GRID2: variants seen among roughly 807,000 people sequenced by gnomAD.
GRID2 encodes the protein glutamate receptor ionotropic, delta-2.
GRID2 carries 33 observed loss-of-function variants against 114.8 expected under a neutral mutation model. The observed-to-expected ratio is 0.29, with a 90% CI of 0.22 to 0.38. The LOEUF is 0.38. GRID2 is among the 10% of genes least tolerant of loss of function. The pLI, the probability that GRID2 is intolerant of heterozygous loss-of-function variation, is 1.00. For synonymous variants in GRID2, 505 were observed against 449.9 expected (o/e 1.12, Z -1.55); for missense variants, 1,184 against 1,257.7 (o/e 0.94, Z 0.89).
At chr4:92,840,689 G>A (rs114085977) in intron 2 of GRID2, among the ~76,000 whole-genome samples, 95 of 152,050 alleles carry the variant, frequency 6.2e-4, no homozygotes, top group African/African-American at 2.2e-3. Flanking sequence ...GAGCATATAT[G>A]TCCTTCCTTC....
At chr4:93,736,200 A>G (rs1730913841) in intron 14 of GRID2, among the ~76,000 whole-genome samples, 1 of 152,044 alleles carries the variant, frequency 6.6e-6, no homozygotes, top group South Asian at 2.1e-4. Context: ...GATGATGATT[A>G]GCACACAAAG....
chr4:93,644,964 A>G (rs1049196454), intron 14 of GRID2, among the ~76,000 whole-genome samples: 3 of 152,180 alleles, frequency 2.0e-5, no homozygotes, highest in African/African-American at 7.2e-5. Context: ...TAATGTCTCC[A>G]AGAAGGCAGA....
At chr4:93,054,275 G>A (rs1727011070) in intron 2 of GRID2, among the ~76,000 whole-genome samples, 1 of 151,482 alleles carries the variant, frequency 6.6e-6, no homozygotes, top group Non-Finnish European at 1.5e-5. Context: ...ATTAAGATAT[G>A]TTAAAACAAT....
chr4:92,786,165 G>A (rs998318354), intron 2 of GRID2, among the ~76,000 whole-genome samples: 3 of 151,784 alleles, frequency 2.0e-5, no homozygotes, highest in South Asian at 2.1e-4. Context: ...AAAACTTCTT[G>A]TATTTTATCT....
At chr4:92,843,839 C>T (rs538752759) in intron 2 of GRID2, among the ~76,000 whole-genome samples, 2 of 152,206 alleles carry the variant, frequency 1.3e-5, no homozygotes, top group South Asian at 4.1e-4. Flanking sequence ...GAAATCATAT[C>T]AACAAACTTT....
chr4:93,569,067 G>T (rs1429119911), intron 13 of GRID2, among the ~76,000 whole-genome samples: 1 of 152,142 alleles, frequency 6.6e-6, no homozygotes, highest in Non-Finnish European at 1.5e-5. Flanking sequence ...TCTCTAGGGA[G>T]AACTTGAGTT....
intron 4 of GRID2, among the ~76,000 whole-genome samples, chr4:93,153,303 T>C (rs1192284079): frequency 6.6e-6 from 1 of 152,090 alleles, no homozygotes; most frequent in Non-Finnish European, 1.5e-5. Context: ...AAAAACACCC[T>C]GGCCAAAGTC....
intron 1 of GRID2, among the ~76,000 whole-genome samples, chr4:92,501,478 A>G (rs1032682228): frequency 6.6e-6 from 1 of 152,164 alleles, no homozygotes; most frequent in African/African-American, 2.4e-5. Context: ...GAGCATGTCA[A>G]CTAATGGGGG....
rs189030711 is a variant in GRID2 at position 92,519,935 on chromosome 4, T to C, written c.89-70196T>C. Among the ~76,000 whole-genome samples the C allele has an allele frequency of 2.6e-3, 393 of 152,004 alleles. 1 individual carries two copies. The highest frequency in any genetic ancestry group is 4.0e-3 in the Non-Finnish European group (273 of 67,910). On this transcript the variant is annotated intron_variant, in intron 1 of 15. Coordinates refer to ENST00000282020, the MANE Select transcript of GRID2 (RefSeq NM_001510.4). ...TATTGGGGGGCGGAATTTGCTTTTC[T>C]CAGTCTACCGATTCAAATGTTAATC...
chr4:93,658,573 T>C (rs1723217375), intron 14 of GRID2, among the ~76,000 whole-genome samples: 1 of 152,154 alleles, frequency 6.6e-6, no homozygotes, highest in Non-Finnish European at 1.5e-5. Flanking sequence ...CAGTATATAA[T>C]GGAGTTGGTA....
Position 93,097,887 on chromosome 4 carries a change from T to C in GRID2, c.529+12608T>C, listed in dbSNP as rs79417769. On this transcript the variant is annotated intron_variant, in intron 3 of 15. Transcript: ENST00000282020. ...TTAAATAAGTAGTCTGTTTTGCTTATAGTCGTTTATCAATAAGTAAATAAA... is the reference window on the plus strand; with the variant it reads ...TTAAATAAGTAGTCTGTTTTGCTTACAGTCGTTTATCAATAAGTAAATAAA... Among the ~76,000 whole-genome samples the C allele has an allele frequency of 4.5e-4, 69 of 152,098 alleles. No homozygotes were observed. The East Asian group carries it at 0.013, about 28-fold the overall frequency.
intron 10 of GRID2, among the ~76,000 whole-genome samples, chr4:93,440,184 C>A (rs72668721): frequency 0.015 from 2,251 of 152,158 alleles, 19 homozygotes; most frequent in South Asian, 0.055. Flanking sequence ...AAGAGTCTTA[C>A]ATATTTTCAT....
At chr4:92,944,843 G>A (rs1271987674) in intron 2 of GRID2, among the ~76,000 whole-genome samples, 3 of 152,046 alleles carry the variant, frequency 2.0e-5, no homozygotes, top group Non-Finnish European at 4.4e-5. Flanking sequence ...ACCCTTTGGA[G>A]TTTACTGTCC....
At chr4:93,177,759 T>G (rs1284447813) in intron 4 of GRID2, among the ~76,000 whole-genome samples, 2 of 152,162 alleles carry the variant, frequency 1.3e-5, no homozygotes, top group African/African-American at 4.8e-5. Flanking sequence ...TCACTACCCA[T>G]TTAAAGTTGT....
Position 92,868,078 on chromosome 4 carries a change from G to T in GRID2, c.245-216917G>T, listed in dbSNP as rs201466772. Among the ~76,000 whole-genome samples, 1,244 of 137,296 alleles carry T rather than the reference G, an allele frequency of 9.1e-3. 9 individuals carry two copies. The highest frequency in any genetic ancestry group is 0.019 in the East Asian group (88 of 4,608). The allele number at this position is 137,296 out of a possible 152,430, so 90.1% of individuals were successfully genotyped here. ...TTTCTTTCTTTCTTTCTGTCTGTCTGTCTGTCTGTCTTTCTTTCTTTCTCT... is the reference window on the plus strand; with the variant it reads ...TTTCTTTCTTTCTTTCTGTCTGTCTTTCTGTCTGTCTTTCTTTCTTTCTCT... On this transcript the variant is annotated intron_variant, in intron 2 of 15. Coordinates refer to ENST00000282020, the MANE Select transcript of GRID2 (RefSeq NM_001510.4).
chr4:93,491,941 G>C (rs1230529367), intron 12 of GRID2, among the ~76,000 whole-genome samples: 1 of 151,752 alleles, frequency 6.6e-6, no homozygotes. Flanking sequence ...TCATAAAATT[G>C]ATGTTTCTAG....
At chr4:92,449,646 T>A (rs538385903) in intron 1 of GRID2, among the ~76,000 whole-genome samples, 284 of 143,458 alleles carry the variant, frequency 2.0e-3, no homozygotes, top group Non-Finnish European at 3.3e-3. Context: ...TTACTTGTAA[T>A]ATAATCAAAT....
chr4:92,652,347 T>G (rs1002786163), intron 2 of GRID2, among the ~76,000 whole-genome samples: 1 of 151,940 alleles, frequency 6.6e-6, no homozygotes, highest in Non-Finnish European at 1.5e-5. Flanking sequence ...CTAGTCAAGT[T>G]GACACATAAA....
intron 8 of GRID2, among the ~76,000 whole-genome samples, chr4:93,337,005 TG>T (rs1191921886): frequency 2.0e-5 from 3 of 152,134 alleles, no homozygotes; most frequent in Non-Finnish European, 4.4e-5. Context: ...TTATCCCTTG[TG>T]GGGAGAAGTT....
Sources: gnomAD v4.1 joint callset for allele counts (sites outside exome capture counted in the v4.1 genomes callset) on GRCh38, gnomAD v4.1.1 for gene constraint, MANE v1.5 for transcripts, NCBI Gene and HGNC (gene_info 2026-07-23, HGNC 2026-07-21) for gene names.